GLTP: variants seen among roughly 807,000 people sequenced by gnomAD.
GLTP encodes the protein glycolipid transfer protein.
Under a neutral mutation model 24.0 loss-of-function variants are expected in GLTP, and 22 were observed. That is an observed-to-expected ratio of 0.92 (90% CI 0.65 to 1.31). The LOEUF is 1.31. Among genes scored for constraint, GLTP ranks in the 50% most tolerant of loss-of-function variants. The pLI is 0.00. For missense variants in GLTP, 224 were observed against 276.6 expected (o/e 0.81, Z 1.35); for synonymous variants, 92 against 115.9 (o/e 0.79, Z 1.33).
At chr12:109,869,303 CAA>C (rs140914540) in intron 1 of GLTP, among the ~76,000 whole-genome samples, 12 of 49,026 alleles carry the variant, frequency 2.4e-4, no homozygotes, top group Non-Finnish European at 2.8e-4. Flanking sequence ...GGCTCTACCT[CAA>C]AAAAAAAAAA....
intron 2 of GLTP, chr12:109,858,137 T>C (rs906021604): frequency 6.6e-6 from 3 of 457,816 alleles, no homozygotes; most frequent in African/African-American, 2.0e-5. Flanking sequence ...CTTTGCCACG[T>C]ACTTGCTTGT....
At chr12:109,873,941 C>A (rs1303181293) in intron 1 of GLTP, among the ~76,000 whole-genome samples, 3 of 152,206 alleles carry the variant, frequency 2.0e-5, no homozygotes, top group Non-Finnish European at 4.4e-5. Context: ...ACCAGCTTGG[C>A]GGGCTGTTTA....
intron 1 of GLTP, among the ~76,000 whole-genome samples, chr12:109,871,857 G>C (rs1290355803): frequency 6.6e-6 from 1 of 152,204 alleles, no homozygotes; most frequent in Non-Finnish European, 1.5e-5. Flanking sequence ...AAGCCCATTG[G>C]TGGGTCCTGG....
intron 1 of GLTP, among the ~76,000 whole-genome samples, chr12:109,869,944 A>G (rs1375581624): frequency 6.6e-6 from 1 of 150,778 alleles, no homozygotes; most frequent in Non-Finnish European, 1.5e-5. Flanking sequence ...TTTAAAAGAG[A>G]CAAGGTTTCA....
chr12:109,873,820 AC>A (rs1868803854), intron 1 of GLTP, among the ~76,000 whole-genome samples: 1 of 146,672 alleles, frequency 6.8e-6, no homozygotes, highest in Non-Finnish European at 1.5e-5. Context: ...TAAACAAAAC[AC>A]ACACACACAC....
chr12:109,859,809 C>G (rs1762164160), intron 1 of GLTP: 1 of 154,564 alleles, frequency 6.5e-6, no homozygotes, highest in South Asian at 2.1e-4. Context: ...ATATTAACTA[C>G]TTTATTTTCA....
chr12:109,861,645 G>A (rs1233281548), intron 1 of GLTP, among the ~76,000 whole-genome samples: 1 of 152,110 alleles, frequency 6.6e-6, no homozygotes, highest in Admixed American at 6.6e-5. Flanking sequence ...CTACCCAGGA[G>A]GCTGAGACAG....
At chr12:109,867,981 G>T (rs1428711658) in intron 1 of GLTP, among the ~76,000 whole-genome samples, 1 of 152,130 alleles carries the variant, frequency 6.6e-6, no homozygotes, top group Non-Finnish European at 1.5e-5. Flanking sequence ...GTTTCACCGT[G>T]TTAGCCAGGA....
At chr12:109,863,173 A>T (rs55831641) in intron 1 of GLTP, among the ~76,000 whole-genome samples, 4,074 of 152,358 alleles carry the variant, frequency 0.027, 125 homozygotes, top group African/African-American at 0.072. Flanking sequence ...CATCTAGATG[A>T]TAGGTGTATG....
At chr12:109,871,874 C>T (rs1269295561) in intron 1 of GLTP, among the ~76,000 whole-genome samples, 1 of 152,218 alleles carries the variant, frequency 6.6e-6, no homozygotes, top group Non-Finnish European at 1.5e-5. Context: ...CTGGGAGGGC[C>T]TGACTTCTGC....
chr12:109,871,324 A>T (rs1251869698), intron 1 of GLTP, among the ~76,000 whole-genome samples: 1 of 151,834 alleles, frequency 6.6e-6, no homozygotes, highest in Non-Finnish European at 1.5e-5. Flanking sequence ...TGACCTCGTG[A>T]TCTACCCGCT....
rs377701432 is a variant in GLTP, at chr12:109,857,686, C to G, written c.163-27G>C. ...TGAAATGGAGCACACAAGATTTCCC[C>G]TTGGGTAAGCTGCCCCCATAGACAT... On this transcript the variant is annotated intron_variant, in intron 2 of 4. Coordinates refer to ENST00000318348, the MANE Select transcript of GLTP (RefSeq NM_016433.4). This position sits in a 1 kb window ranked among gnomAD's most constrained non-coding sequence, Gnocchi z 4.3. 39 of 1,613,830 alleles carry G rather than the reference C, an allele frequency of 2.4e-5. No individual in the cohort carries two copies. In the African/African-American group the frequency reaches 3.9e-4, roughly 16 times the overall value.
intron 1 of GLTP, among the ~76,000 whole-genome samples, chr12:109,879,982 G>T (rs146987673): frequency 7.9e-5 from 12 of 152,044 alleles, no homozygotes; most frequent in Admixed American, 7.2e-4. Context: ...CGTGTTGGGG[G>T]CACGGATGAT....
rs548516470 is a variant in GLTP, at chr12:109,860,662, C to T, written c.104-1921G>A. Among the ~76,000 whole-genome samples the T allele has an allele frequency of 4.6e-5, 7 of 151,886 alleles. No individual in the cohort carries two copies. The South Asian group carries it at 1.0e-3, about 23-fold the overall frequency. On this transcript the variant is annotated intron_variant, in intron 1 of 4. Transcript: ENST00000318348. ...CCAGTAGAATGTTCTTAAATGGAGG[C>T]GTTTTCCTTTCTTGGTGGGTTATAA... is the stretch of plus-strand genomic sequence containing the variant.
chr12:109,854,990 G>A (rs1231318165), intron 4 of GLTP, among the ~76,000 whole-genome samples: 1 of 152,224 alleles, frequency 6.6e-6, no homozygotes, highest in African/African-American at 2.4e-5. Context: ...AGAACAGGCC[G>A]GGCAGGAACA....
At chr12:109,864,452 G>C (rs1051490061) in intron 1 of GLTP, among the ~76,000 whole-genome samples, 2 of 152,186 alleles carry the variant, frequency 1.3e-5, no homozygotes, top group Non-Finnish European at 2.9e-5. Flanking sequence ...AACCACTCCA[G>C]GTTCAGGCCC....
At chr12:109,853,286 AG>A (rs1298937270) in intron 4 of GLTP, among the ~76,000 whole-genome samples, 1 of 152,066 alleles carries the variant, frequency 6.6e-6, no homozygotes, top group Non-Finnish European at 1.5e-5. Context: ...TTTTGTCCTT[AG>A]GGGGGCGATA....
Position 109,853,828 on chromosome 12 carries a change from C to T in GLTP, c.448-1091G>A, listed in dbSNP as rs183262363. ...CGTGATCTTGGTTCACTGCAACCTCCGCTTACTGGGTTCAAGTGATTCTCC... is the reference window on the plus strand; with the variant it reads ...CGTGATCTTGGTTCACTGCAACCTCTGCTTACTGGGTTCAAGTGATTCTCC... On this transcript the variant is annotated intron_variant, in intron 4 of 4. Transcript: ENST00000318348. Among the ~76,000 whole-genome samples the T allele has an allele frequency of 2.6e-3, 389 of 151,672 alleles. 3 individuals carry two copies. Among genetic ancestry groups the T allele is most frequent in the South Asian group, 0.013 (64 of 4,788 alleles).
At chr12:109,869,456 CTTT>C (rs1218490016) in intron 1 of GLTP, among the ~76,000 whole-genome samples, 1 of 115,036 alleles carries the variant, frequency 8.7e-6, no homozygotes, top group African/African-American at 3.3e-5. Context: ...TGGGAAAATT[CTTT>C]TTTTTTTTTT....
Sources: allele counts gnomAD v4.1 joint callset (sites outside exome capture counted in the v4.1 genomes callset), GRCh38; gene constraint gnomAD v4.1.1; non-coding constraint Gnocchi (gnomAD v3.1); transcripts MANE v1.5; gene names NCBI Gene and HGNC (gene_info 2026-07-23, HGNC 2026-07-21).